Variants in ATP2B2 observed in about 807,000 individuals in gnomAD.
The protein encoded by ATP2B2 is plasma membrane calcium-transporting ATPase 2.
ATP2B2 carries 15 observed loss-of-function variants against 120.0 expected under a neutral mutation model. That is an observed-to-expected ratio of 0.12 (90% CI 0.08 to 0.19). ATP2B2 has a LOEUF of 0.19. Ranked by LOEUF, ATP2B2 falls within the 10% of genes least tolerant of loss-of-function variation. ATP2B2 has a pLI of 1.00. For missense variants in ATP2B2, 1,045 were observed against 1,719.8 expected (o/e 0.61, Z 6.94); for synonymous variants, 694 against 700.3 (o/e 0.99, Z 0.14).
At chr3:10,428,748 G>C (rs992207658) in intron 2 of ATP2B2, among the ~76,000 whole-genome samples, 1 of 152,218 alleles carries the variant, frequency 6.6e-6, no homozygotes, top group Non-Finnish European at 1.5e-5. Context: ...TGAGGAGACT[G>C]TGCTGGGGTT....
chr3:10,562,343 G>T (rs992257797), intron 2 of ATP2B2, among the ~76,000 whole-genome samples: 1 of 152,196 alleles, frequency 6.6e-6, no homozygotes, highest in Non-Finnish European at 1.5e-5. Flanking sequence ...TGGCTGAAGA[G>T]TTGGGCATGA....
chr3:10,666,992 A>G (rs1251335014), intron 1 of ATP2B2, among the ~76,000 whole-genome samples: 1 of 152,218 alleles, frequency 6.6e-6, no homozygotes, highest in Non-Finnish European at 1.5e-5. Flanking sequence ...ACTCCTTTAG[A>G]TTCCTGTAAG....
At chr3:10,614,523 T>A (rs1282320244) in intron 2 of ATP2B2, among the ~76,000 whole-genome samples, 1 of 152,210 alleles carries the variant, frequency 6.6e-6, no homozygotes, top group Non-Finnish European at 1.5e-5. Flanking sequence ...ATCACAAGAT[T>A]AAACATAGAA....
chr3:10,339,898 T>C (rs2060226205), intron 21 of ATP2B2, among the ~76,000 whole-genome samples: 1 of 152,242 alleles, frequency 6.6e-6, no homozygotes, highest in South Asian at 2.1e-4. Flanking sequence ...TTAATGTTTT[T>C]GTTAGCTTCC....
chr3:10,487,715 A>T (rs1354329479), intron 1 of ATP2B2, among the ~76,000 whole-genome samples: 1 of 152,198 alleles, frequency 6.6e-6, no homozygotes, highest in African/African-American at 2.4e-5. Flanking sequence ...AAACAGAGAG[A>T]ATTGGCCGTT....
At chr3:10,697,797 T>A (rs928898907) in intron 1 of ATP2B2, among the ~76,000 whole-genome samples, 1 of 152,236 alleles carries the variant, frequency 6.6e-6, no homozygotes, top group African/African-American at 2.4e-5. Context: ...ATCCTAAATC[T>A]CAGGGTTTGA....
intron 1 of ATP2B2, among the ~76,000 whole-genome samples, chr3:10,483,444 T>G (rs535374980): frequency 8.5e-5 from 13 of 152,362 alleles, no homozygotes; most frequent in Middle Eastern, 3.4e-3. Context: ...TGGCCTGGTC[T>G]GTGCCGACAC....
rs185996717 is a variant in ATP2B2, at chr3:10,590,508, C to G, written c.-415+29409G>C. Among the ~76,000 whole-genome samples the G allele has an allele frequency of 2.7e-3, 410 of 152,368 alleles. 2 individuals carry two copies. Among genetic ancestry groups the G allele is most frequent in the African/African-American group, 9.5e-3 (396 of 41,594 alleles). On this transcript the variant is annotated intron_variant, in intron 2 of 21. Coordinates refer to the ATP2B2 transcript ENST00000646379. ...TCCAGGGCCACCTCCTGGGCCATTTCTTCCTCCTGTGGGTTGCCTAGGGCT... is the reference window on the plus strand; with the variant it reads ...TCCAGGGCCACCTCCTGGGCCATTTGTTCCTCCTGTGGGTTGCCTAGGGCT...
intron 3 of ATP2B2, among the ~76,000 whole-genome samples, chr3:10,517,361 A>G (rs1263069928): frequency 1.3e-5 from 2 of 152,178 alleles, no homozygotes; most frequent in African/African-American, 4.8e-5. Context: ...CTGAAGGACA[A>G]ATATTCTGGG....
intron 5 of ATP2B2, among the ~76,000 whole-genome samples, chr3:10,388,849 TATAA>T (rs1170899969): frequency 6.6e-6 from 1 of 152,240 alleles, no homozygotes; most frequent in African/African-American, 2.4e-5. Context: ...ATCTCTATTT[TATAA>T]ATAAAGTGGT....
chr3:10,396,403 G>A (rs193169809), intron 5 of ATP2B2, among the ~76,000 whole-genome samples: 1 of 152,380 alleles, frequency 6.6e-6, no homozygotes, highest in Non-Finnish European at 1.5e-5. Context: ...ACTGACCAGA[G>A]CGGAGTGTTT....
intron 2 of ATP2B2, among the ~76,000 whole-genome samples, chr3:10,592,464 G>T (rs1235963219): frequency 6.6e-6 from 1 of 152,178 alleles, no homozygotes; most frequent in African/African-American, 2.4e-5. Context: ...CCAGGTTTGT[G>T]CTTTTCTGTT....
intron 1 of ATP2B2, among the ~76,000 whole-genome samples, chr3:10,471,860 A>C (rs34875): frequency 0.96 from 145,847 of 151,784 alleles, 70,094 homozygotes; most frequent in East Asian, 1. Context: ...GCGGGCGGAT[A>C]ACGAGGTCAG....
intron 2 of ATP2B2, among the ~76,000 whole-genome samples, chr3:10,604,742 T>C (rs539774666): frequency 1.3e-5 from 2 of 152,350 alleles, no homozygotes; most frequent in Admixed American, 6.5e-5. Context: ...TATTAATAAT[T>C]GCATGGAGCA....
intron 1 of ATP2B2, among the ~76,000 whole-genome samples, chr3:10,688,464 C>T (rs1231509481): frequency 2.0e-5 from 3 of 152,232 alleles, no homozygotes; most frequent in African/African-American, 7.2e-5. Flanking sequence ...TTCTTTGGGG[C>T]TTTTGCCTCT....
At chr3:10,332,585 T>C (rs2060010530) in intron 22 of ATP2B2, among the ~76,000 whole-genome samples, 1 of 152,196 alleles carries the variant, frequency 6.6e-6, no homozygotes, top group African/African-American at 2.4e-5. Context: ...ACAGCTTCCC[T>C]GGCCTTCCCT....
intron 1 of ATP2B2, among the ~76,000 whole-genome samples, chr3:10,457,707 A>G (rs1406629385): frequency 6.6e-6 from 1 of 152,160 alleles, no homozygotes; most frequent in Non-Finnish European, 1.5e-5. Flanking sequence ...TTGAGAAGAG[A>G]GAACAGGGAA....
chr3:10,624,846 T>C (rs2069650899), intron 1 of ATP2B2, among the ~76,000 whole-genome samples: 1 of 152,226 alleles, frequency 6.6e-6, no homozygotes, highest in Admixed American at 6.5e-5. Context: ...TTGTGTTTTT[T>C]AAATGTTTTC....
Position 10,412,647 on chromosome 3 carries a change from C to T in ATP2B2, c.200-1832G>A, listed in dbSNP as rs558071191. 2.6e-5 allele frequency among the ~76,000 whole-genome samples: 4 copies of T among 152,248 alleles called. No individual in the cohort carries two copies. The South Asian group carries it at 6.2e-4, about 24-fold the overall frequency. On this transcript the variant is annotated intron_variant, in intron 2 of 22. Coordinates refer to ENST00000360273, the MANE Select transcript of ATP2B2 (RefSeq NM_001001331.4). ...TTACTTGCCACAGTCTTCCCCGCAG[C>T]AGGCTTACCACTTCCCCAGACCCCT...
Sources: allele counts gnomAD v4.1 joint callset (sites outside exome capture counted in the v4.1 genomes callset), GRCh38; gene constraint gnomAD v4.1.1; transcripts MANE v1.5; gene names NCBI Gene and HGNC (gene_info 2026-07-23, HGNC 2026-07-21).